The following LHFPL3 variants were observed in gnomAD, a reference collection of about 807,000 sequenced individuals.
LHFPL3 encodes LHFPL tetraspan subfamily member 3 protein.
LHFPL3 carries 5 observed loss-of-function variants against 19.3 expected under a neutral mutation model. The observed-to-expected ratio is 0.26, with a 90% CI of 0.14 to 0.54. LHFPL3 has a LOEUF of 0.54. LHFPL3 is among the 20% of genes least tolerant of loss of function. The pLI, the probability that LHFPL3 is intolerant of heterozygous loss-of-function variation, is 0.94. For missense variants in LHFPL3, 249 were observed against 307.4 expected, an observed-to-expected ratio of 0.81 and a Z score of 1.42; for synonymous variants, 133 against 126.2, an observed-to-expected ratio of 1.05 and a Z score of -0.36.
chr7:104,400,755 C>T (rs1012840393), intron 1 of LHFPL3, among the ~76,000 whole-genome samples: 2 of 152,178 alleles, frequency 1.3e-5, no homozygotes, highest in Non-Finnish European at 2.9e-5. Context: ...ACAAGCATTT[C>T]AAAATTTTTA....
At chr7:104,537,375 G>A (rs1163516490) in intron 1 of LHFPL3, among the ~76,000 whole-genome samples, 1 of 152,114 alleles carries the variant, frequency 6.6e-6, no homozygotes, top group Admixed American at 6.6e-5. Context: ...AGAATATTTA[G>A]ACTATTCATA....
intron 2 of LHFPL3, among the ~76,000 whole-genome samples, chr7:104,784,539 A>G (rs1347126413): frequency 1.3e-5 from 2 of 152,224 alleles, no homozygotes; most frequent in African/African-American, 4.8e-5. Context: ...GAAAAACAGC[A>G]CAGCAATTCC....
chr7:104,649,048 C>T (rs1247266071), intron 1 of LHFPL3, among the ~76,000 whole-genome samples: 1 of 152,246 alleles, frequency 6.6e-6, no homozygotes, highest in Admixed American at 6.5e-5. Context: ...GATCAATCCA[C>T]TTCACTTGGC....
intron 1 of LHFPL3, among the ~76,000 whole-genome samples, chr7:104,561,636 A>C (rs1790006036): frequency 6.6e-6 from 1 of 152,190 alleles, no homozygotes; most frequent in South Asian, 2.1e-4. Context: ...CTTGTTATCC[A>C]ATTTGCCAGT....
chr7:104,719,779 A>G (rs989324519), intron 1 of LHFPL3, among the ~76,000 whole-genome samples: 4 of 152,190 alleles, frequency 2.6e-5, no homozygotes, highest in Admixed American at 1.3e-4. Context: ...GTTCATATGT[A>G]GAGGATAATA....
chr7:104,753,667 T>C (rs1446971004), intron 2 of LHFPL3, among the ~76,000 whole-genome samples: 1 of 152,026 alleles, frequency 6.6e-6, no homozygotes, highest in Non-Finnish European at 1.5e-5. Flanking sequence ...CTAGCCAATG[T>C]ATCTAGAATA....
intron 2 of LHFPL3, among the ~76,000 whole-genome samples, chr7:104,793,991 A>G (rs979611252): frequency 1.3e-5 from 2 of 152,236 alleles, no homozygotes; most frequent in Non-Finnish European, 2.9e-5. Context: ...GGAAGGGAGC[A>G]TAAAGGAACT....
chr7:104,907,133 TA>T lies in LHFPL3; in HGVS notation c.*921del, dbSNP rs911287871. 40 of 152,736 alleles carry T rather than the reference TA, an allele frequency of 2.6e-4. 1 individual carries two copies. The highest frequency in any genetic ancestry group is 9.4e-4 in the African/African-American group (39 of 41,582). The allele number at this position is 152,736 out of a possible 1,614,324, so 9.5% of individuals were successfully genotyped here. A position where few individuals can be genotyped will look rare whatever the true frequency, so the allele number is the denominator to read the frequency against. ...ATGCATAGGAATTTAATATACTTTA[TA>T]AATAAGTATCTAAAATGTCTCCTAC... On this transcript the variant is annotated 3_prime_UTR_variant, in exon 3 of 3. Transcript: ENST00000424859.
At chr7:104,559,569 G>A (rs1789939179) in intron 1 of LHFPL3, among the ~76,000 whole-genome samples, 1 of 151,976 alleles carries the variant, frequency 6.6e-6, no homozygotes, top group Non-Finnish European at 1.5e-5. Flanking sequence ...ATCAGCTTAA[G>A]GAGATTTTGG....
At chr7:104,353,769 A>G (rs2116394603) in intron 1 of LHFPL3, among the ~76,000 whole-genome samples, 1 of 152,182 alleles carries the variant, frequency 6.6e-6, no homozygotes, top group Non-Finnish European at 1.5e-5. Context: ...AGTTCTGGGC[A>G]CTTTATATAC....
At chr7:104,613,591 G>C (rs562621957) in intron 1 of LHFPL3, among the ~76,000 whole-genome samples, 1 of 151,938 alleles carries the variant, frequency 6.6e-6, no homozygotes, top group East Asian at 1.9e-4. Context: ...ACCTAATTCC[G>C]CAACACCAAC....
intron 1 of LHFPL3, among the ~76,000 whole-genome samples, chr7:104,498,503 T>G (rs543537779): frequency 1.3e-5 from 2 of 151,922 alleles, no homozygotes; most frequent in South Asian, 2.1e-4. Context: ...AATGTTTTTT[T>G]TTTTTTTTTT....
At chr7:104,366,937 GT>G (rs1233345810) in intron 1 of LHFPL3, among the ~76,000 whole-genome samples, 10 of 152,080 alleles carry the variant, frequency 6.6e-5, no homozygotes, top group Non-Finnish European at 1.2e-4. Context: ...CTAAATGTAG[GT>G]TTTTTTCTCA....
chr7:104,352,992 T>C (rs991022376), intron 1 of LHFPL3, among the ~76,000 whole-genome samples: 4 of 152,184 alleles, frequency 2.6e-5, no homozygotes, highest in African/African-American at 7.2e-5. Flanking sequence ...GTGGGGAGCC[T>C]GTAAGGGCTA....
At chr7:104,433,009 T>A (rs1000158373) in intron 1 of LHFPL3, among the ~76,000 whole-genome samples, 1 of 152,206 alleles carries the variant, frequency 6.6e-6, no homozygotes, top group Non-Finnish European at 1.5e-5. Context: ...TGGTCTCGGG[T>A]AAGCTTTGCA....
At chr7:104,525,928 T>G (rs1044033288) in intron 1 of LHFPL3, among the ~76,000 whole-genome samples, 6 of 152,052 alleles carry the variant, frequency 3.9e-5, no homozygotes, top group African/African-American at 1.4e-4. Flanking sequence ...TGACTCTGCT[T>G]ATCTCTCCTT....
At position 104,562,762 on chromosome 7, in the gene LHFPL3, T is replaced by G. The variant is rs1050060618; in HGVS notation, c.446-173913T>G. 4.0e-5 allele frequency among the ~76,000 whole-genome samples: 6 copies of G among 151,864 alleles called. No homozygotes were observed. In the South Asian group the frequency reaches 6.3e-4, roughly 16 times the overall value. On this transcript the variant is annotated intron_variant, in intron 1 of 2. Transcript: ENST00000424859. ...CTTTGGAGGAGGAGAGGCACTCTGC[T>G]TTTTAGAGTTTCCAGTTTTTCTGTT...
intron 1 of LHFPL3, among the ~76,000 whole-genome samples, chr7:104,538,755 C>A (rs1794433582): frequency 6.6e-6 from 1 of 152,110 alleles, no homozygotes; most frequent in Admixed American, 6.6e-5. Flanking sequence ...CTGAAGATGT[C>A]CACACCCTAT....
chr7:104,650,074 G>T (rs1339238806), intron 1 of LHFPL3, among the ~76,000 whole-genome samples: 1 of 152,208 alleles, frequency 6.6e-6, no homozygotes, highest in South Asian at 2.1e-4. Flanking sequence ...CATTCAAGAA[G>T]TGAGGCCCAA....
Sources: gnomAD v4.1 joint callset for allele counts (sites outside exome capture counted in the v4.1 genomes callset) on GRCh38, gnomAD v4.1.1 for gene constraint, MANE v1.5 for transcripts, NCBI Gene and HGNC (gene_info 2026-07-23, HGNC 2026-07-21) for gene names.